CSMD1: variants seen among roughly 807,000 people sequenced by gnomAD.
The protein encoded by CSMD1 is CUB and sushi domain-containing protein 1.
Under a neutral mutation model 417.5 loss-of-function variants are expected in CSMD1, and 213 were observed. That is an observed-to-expected ratio of 0.51 (90% CI 0.46 to 0.57). The LOEUF is 0.57. Among genes scored for constraint, CSMD1 ranks in the 20% least tolerant of loss-of-function variants. The pLI, the probability that CSMD1 is intolerant of heterozygous loss-of-function variation, is 0.00. For synonymous variants in CSMD1, 2,862 were observed against 1,736.8 expected (o/e 1.65, Z -16.11); for missense variants, 6,923 against 4,529.7 (o/e 1.53, Z -15.17).
At chr8:3,198,972 T>A (rs889860625) in intron 33 of CSMD1, among the ~76,000 whole-genome samples, 19 of 152,212 alleles carry the variant, frequency 1.2e-4, no homozygotes, top group Non-Finnish European at 1.5e-5. Context: ...ACAAGATCAT[T>A]TCTTCCAGAT....
intron 1 of CSMD1, among the ~76,000 whole-genome samples, chr8:4,967,009 T>C (rs1041507186): frequency 1.3e-5 from 2 of 152,192 alleles, no homozygotes; most frequent in Non-Finnish European, 2.9e-5. Context: ...TCTGATGTTA[T>C]TGCATGGCAG....
intron 3 of CSMD1, among the ~76,000 whole-genome samples, chr8:4,124,773 A>C (rs542645572): frequency 4.3e-4 from 65 of 152,202 alleles, no homozygotes; most frequent in Non-Finnish European, 9.0e-4. Flanking sequence ...TCAACCAATC[A>C]TATAGGAAGT....
At chr8:3,926,687 G>A (rs998594310) in intron 5 of CSMD1, among the ~76,000 whole-genome samples, 4 of 144,534 alleles carry the variant, frequency 2.8e-5, no homozygotes, top group South Asian at 4.4e-4. Flanking sequence ...ATTTGAAAAC[G>A]CAATTAAATT....
At chr8:3,774,125 T>A (rs2129060288) in intron 5 of CSMD1, among the ~76,000 whole-genome samples, 1 of 152,252 alleles carries the variant, frequency 6.6e-6, no homozygotes, top group East Asian at 1.9e-4. Context: ...CCCTCTTAGG[T>A]TTGAGCATAA....
intron 7 of CSMD1, among the ~76,000 whole-genome samples, chr8:3,692,581 T>C (rs561803234): frequency 3.3e-4 from 50 of 152,174 alleles, no homozygotes; most frequent in African/African-American, 1.2e-3. Context: ...ATAACAGGCA[T>C]GTCACCACAC....
chr8:4,015,552 G>A (rs921688328), intron 4 of CSMD1, among the ~76,000 whole-genome samples: 16 of 151,340 alleles, frequency 1.1e-4, no homozygotes, highest in African/African-American at 3.6e-4. Flanking sequence ...TTTTATTAAA[G>A]GTATCAGTGC....
intron 3 of CSMD1, among the ~76,000 whole-genome samples, chr8:4,195,865 C>G (rs778801834): frequency 1.3e-5 from 2 of 152,062 alleles, no homozygotes; most frequent in Admixed American, 6.5e-5. Flanking sequence ...TCATAGCATG[C>G]GAGACTTACG....
intron 2 of CSMD1, among the ~76,000 whole-genome samples, chr8:4,579,838 T>C (rs1300089440): frequency 6.6e-6 from 1 of 152,154 alleles, no homozygotes; most frequent in Admixed American, 6.5e-5. Flanking sequence ...AGGATTCAAT[T>C]CTCAGATAAA....
intron 3 of CSMD1, among the ~76,000 whole-genome samples, chr8:4,113,919 G>T (rs758978386): frequency 6.6e-6 from 1 of 152,162 alleles, no homozygotes; most frequent in Non-Finnish European, 1.5e-5. Flanking sequence ...AGCCAGCAGA[G>T]ACTGGTTCAT....
chr8:4,256,743 T>C (rs1444683345), intron 3 of CSMD1, among the ~76,000 whole-genome samples: 1 of 152,064 alleles, frequency 6.6e-6, no homozygotes, highest in African/African-American at 2.4e-5. Flanking sequence ...TTACGGGCAG[T>C]GAGGTACAGG....
At chr8:3,861,731 A>G (rs576183010) in intron 5 of CSMD1, among the ~76,000 whole-genome samples, 5 of 152,286 alleles carry the variant, frequency 3.3e-5, no homozygotes, top group East Asian at 1.9e-4. Flanking sequence ...TTTGTCTGCT[A>G]TAAAGATTTT....
chr8:4,752,949 C>A (rs1201862729), intron 1 of CSMD1, among the ~76,000 whole-genome samples: 2 of 152,134 alleles, frequency 1.3e-5, no homozygotes, highest in East Asian at 3.9e-4. Context: ...ATGCTCACAG[C>A]AGAGCCAAAG....
chr8:4,300,409 G>T (rs1465293681), intron 3 of CSMD1, among the ~76,000 whole-genome samples: 2 of 152,272 alleles, frequency 1.3e-5, no homozygotes, highest in South Asian at 2.1e-4. Context: ...AGACACTTTT[G>T]TAAGCGATGA....
At chr8:3,164,943 T>C (rs1288943957) in intron 37 of CSMD1, among the ~76,000 whole-genome samples, 2 of 152,002 alleles carry the variant, frequency 1.3e-5, no homozygotes, top group Admixed American at 1.3e-4. Flanking sequence ...TTGAATTCTA[T>C]TCAATTGATC....
chr8:3,129,859 C>T (rs1247549145), intron 41 of CSMD1, among the ~76,000 whole-genome samples: 9 of 152,040 alleles, frequency 5.9e-5, no homozygotes, highest in Admixed American at 5.2e-4. Flanking sequence ...CATGTTGACA[C>T]ACACCTGTAA....
At chr8:3,873,539 C>T (rs901168311) in intron 5 of CSMD1, among the ~76,000 whole-genome samples, 1 of 151,994 alleles carries the variant, frequency 6.6e-6, no homozygotes, top group East Asian at 1.9e-4. Context: ...AAAACAGACA[C>T]TGAGACCTAC....
intron 1 of CSMD1, among the ~76,000 whole-genome samples, chr8:4,893,425 T>G (rs1029824436): frequency 5.3e-5 from 8 of 152,198 alleles, no homozygotes; most frequent in African/African-American, 1.7e-4. Context: ...CACAAAGATG[T>G]AGTTAAATGT....
chr8:4,293,402 T>C (rs1440774209), intron 3 of CSMD1, among the ~76,000 whole-genome samples: 1 of 152,226 alleles, frequency 6.6e-6, no homozygotes, highest in African/African-American at 2.4e-5. Context: ...GCTCCTGCAT[T>C]ATTAACCAAA....
chr8:4,537,066 A>G (rs1797137692), intron 2 of CSMD1, among the ~76,000 whole-genome samples: 1 of 152,224 alleles, frequency 6.6e-6, no homozygotes, highest in Admixed American at 6.5e-5. Flanking sequence ...TTAGACAATC[A>G]AAGACAGAAA....
Sources: gnomAD v4.1 joint callset for allele counts (sites outside exome capture counted in the v4.1 genomes callset) on GRCh38, gnomAD v4.1.1 for gene constraint, MANE v1.5 for transcripts, NCBI Gene and HGNC (gene_info 2026-07-23, HGNC 2026-07-21) for gene names.